The following NXPE2 variants were observed in gnomAD, a reference collection of about 807,000 sequenced individuals.
NXPE2 encodes neurexophilin and PC-esterase domain family member 2, also known as NXPE family member 2.
Under a neutral mutation model 34.4 loss-of-function variants are expected in NXPE2, and 34 were observed. The ratio of observed to expected loss-of-function variants is 0.99; its 90% CI spans 0.75 to 1.31. The LOEUF is 1.31. NXPE2 is among the 40% of genes most tolerant of loss of function. NXPE2 has a pLI of 0.00. For synonymous variants in NXPE2, 235 were observed against 231.3 expected (o/e 1.02, Z -0.15); for missense variants, 649 against 672.5 (o/e 0.97, Z 0.39).
At chr11:114,707,295 C>G (rs1166047863), downstream of NXPE2, 3 of 290,236 alleles carry the variant, frequency 1.0e-5, no homozygotes, top group African/African-American at 2.3e-5. Flanking sequence ...GTTTCACTAT[C>G]TGGTTGGCCA....
At chr11:114,752,141 A>T in the NXPE2 span, among the ~76,000 whole-genome samples, 1 of 152,254 alleles carries the variant, frequency 6.6e-6, no homozygotes, top group Non-Finnish European at 1.5e-5. Context: ...GGAAGTAAGG[A>T]AAAGAACCAT....
chr11:114,564,393 C>T, the NXPE2 span, among the ~76,000 whole-genome samples: 5 of 152,040 alleles, frequency 3.3e-5, no homozygotes, highest in African/African-American at 1.2e-4. Context: ...ACCAAAATCT[C>T]ATAAATCACC....
chr11:114,566,678 A>G, the NXPE2 span, among the ~76,000 whole-genome samples: 3 of 151,714 alleles, frequency 2.0e-5, no homozygotes, highest in Non-Finnish European at 4.4e-5. Flanking sequence ...CTCAAGAGAC[A>G]CATGTAATAT....
the NXPE2 span, among the ~76,000 whole-genome samples, chr11:114,634,418 G>A: frequency 0.023 from 3,551 of 152,172 alleles, 66 homozygotes; most frequent in Non-Finnish European, 0.036. Context: ...TAGGTTGCCT[G>A]TTCACTCTGA....
chr11:114,555,820 T>C, the NXPE2 span, among the ~76,000 whole-genome samples: 2 of 152,246 alleles, frequency 1.3e-5, no homozygotes, highest in African/African-American at 4.8e-5. Flanking sequence ...CTTATGATTA[T>C]GTTTTTGAAG....
the NXPE2 span, among the ~76,000 whole-genome samples, chr11:114,766,793 T>C: frequency 2.6e-5 from 4 of 152,252 alleles, no homozygotes; most frequent in Non-Finnish European, 5.9e-5. Flanking sequence ...TAATATATGT[T>C]ATTCTTTTCT....
chr11:114,521,072 T>C, the NXPE2 span, among the ~76,000 whole-genome samples: 1 of 152,242 alleles, frequency 6.6e-6, no homozygotes, highest in Non-Finnish European at 1.5e-5. Flanking sequence ...AATGGTGCTT[T>C]CCTAATTCTG....
chr11:114,613,770 C>G, the NXPE2 span, among the ~76,000 whole-genome samples: 10 of 151,928 alleles, frequency 6.6e-5, no homozygotes, highest in South Asian at 2.1e-3. Flanking sequence ...ATAAGTGTTG[C>G]CTGGTGGGTA....
the NXPE2 span, chr11:114,583,633 G>T: frequency 1.7e-6 from 1 of 591,384 alleles, no homozygotes. Context: ...TTAATGAGCA[G>T]CAGATGGACA....
chr11:114,691,122 A>G (rs779708241), intron 2 of NXPE2, among the ~76,000 whole-genome samples: 6 of 152,164 alleles, frequency 3.9e-5, no homozygotes, highest in Non-Finnish European at 8.8e-5. Context: ...AGTGAATGGT[A>G]TCCTTTGGAG....
chr11:114,731,713 G>A, the NXPE2 span, among the ~76,000 whole-genome samples: 20,752 of 152,088 alleles, frequency 0.14, 1,867 homozygotes, highest in African/African-American at 0.25. Context: ...TTGTGGTGGT[G>A]GATACATAAA....
At chr11:114,788,009 G>A in the NXPE2 span, among the ~76,000 whole-genome samples, 2 of 152,168 alleles carry the variant, frequency 1.3e-5, no homozygotes, top group East Asian at 3.9e-4. Context: ...TCCAGCCCCA[G>A]GACATTCAGA....
the NXPE2 span, among the ~76,000 whole-genome samples, chr11:114,556,431 G>T: frequency 1.3e-5 from 2 of 152,090 alleles, no homozygotes; most frequent in Non-Finnish European, 2.9e-5. Context: ...AGATTTCAGG[G>T]CTTTTTCTTC....
chr11:114,667,841 G>A, the NXPE2 span, among the ~76,000 whole-genome samples: 1 of 152,234 alleles, frequency 6.6e-6, no homozygotes, highest in Admixed American at 6.5e-5. Flanking sequence ...TAGAGATCTT[G>A]AGGCAGAACC....
the NXPE2 span, among the ~76,000 whole-genome samples, chr11:114,563,400 A>T: frequency 3.9e-5 from 6 of 152,178 alleles, no homozygotes; most frequent in Non-Finnish European, 5.9e-5. Context: ...CATTTATTAC[A>T]TGCCTGCAGT....
the NXPE2 span, among the ~76,000 whole-genome samples, chr11:114,623,325 T>C: frequency 1.3e-5 from 2 of 152,060 alleles, no homozygotes; most frequent in African/African-American, 4.8e-5. Flanking sequence ...GGGTAATCAC[T>C]GTTACCTGGT....
the NXPE2 span, among the ~76,000 whole-genome samples, chr11:114,663,619 A>ATCTC: frequency 4.2e-5 from 4 of 95,222 alleles, no homozygotes; most frequent in African/African-American, 1.5e-4. Flanking sequence ...CTATCTATCT[A>ATCTC]TCTATCTATC....
chr11:114,590,388 C>T, the NXPE2 span, among the ~76,000 whole-genome samples: 1 of 152,128 alleles, frequency 6.6e-6, no homozygotes. Context: ...TCCTCCTTCC[C>T]CCTCCCTAAA....
the NXPE2 span, among the ~76,000 whole-genome samples, chr11:114,510,388 C>T: frequency 6.6e-6 from 1 of 152,110 alleles, no homozygotes; most frequent in African/African-American, 2.4e-5. Flanking sequence ...TGCACACCAC[C>T]ATGCCCAGCT....
Sources: allele counts gnomAD v4.1 joint callset (sites outside exome capture counted in the v4.1 genomes callset), GRCh38; gene constraint gnomAD v4.1.1; transcripts MANE v1.5; gene names NCBI Gene and HGNC (gene_info 2026-07-23, HGNC 2026-07-21).